GULP1: variants seen among roughly 807,000 people sequenced by gnomAD.
The protein encoded by GULP1 is GULP PTB domain containing engulfment adaptor 1, also known as PTB domain-containing engulfment adapter protein 1.
Under a neutral mutation model 40.9 loss-of-function variants are expected in GULP1, and 19 were observed. The ratio of observed to expected loss-of-function variants is 0.46; its 90% CI spans 0.32 to 0.68. GULP1 has a LOEUF of 0.68. Ranked by LOEUF, GULP1 falls within the 30% of genes least tolerant of loss-of-function variation. The probability of loss-of-function intolerance (pLI) is 0.03; values close to 1 mark genes in which losing one functional copy is unlikely to be tolerated. For synonymous variants in GULP1, 119 were observed against 117.6 expected (o/e 1.01, Z -0.08); for missense variants, 312 against 362.2 (o/e 0.86, Z 1.12).
rs567010169 is a variant in GULP1, at chr2:188,552,278, T to G, written c.399+10960T>G. On this transcript the variant is annotated intron_variant, in intron 7 of 11. Transcript: ENST00000409830. The stretch of plus-strand genomic sequence containing the variant: ...GTTCAGTAGTTTTCCTTAGATTTTC[T>G]TTTAATATTTTTACAGTTCCAGATA... Among the ~76,000 whole-genome samples the G allele has an allele frequency of 5.3e-5, 8 of 151,988 alleles. No individual in the cohort carries two copies. The South Asian group carries it at 1.7e-3, about 32-fold the overall frequency.
intron 6 of GULP1, 62 bp downstream of exon 6, chr2:188,529,257 T>C (rs993173588): frequency 3.7e-6 from 3 of 815,326 alleles, no homozygotes; most frequent in South Asian, 1.6e-5. Context: ...ATTCCTACTT[T>C]AACAAATATT....
At chr2:188,346,733 G>A (rs1043756401) in intron 1 of GULP1, among the ~76,000 whole-genome samples, 90 of 152,112 alleles carry the variant, frequency 5.9e-4, no homozygotes, top group Non-Finnish European at 1.1e-3. Context: ...AGCACTTTGG[G>A]AGGCTGAGGC....
intron 2 of GULP1, among the ~76,000 whole-genome samples, chr2:188,469,422 C>G (rs1352902654): frequency 6.6e-6 from 1 of 152,106 alleles, no homozygotes; most frequent in East Asian, 1.9e-4. Context: ...TAAAAAGATA[C>G]CTGAAACTGG....
chr2:188,568,245 A>C (rs1698244649), intron 7 of GULP1, among the ~76,000 whole-genome samples: 1 of 152,220 alleles, frequency 6.6e-6, no homozygotes, highest in South Asian at 2.1e-4. Flanking sequence ...GTAGAGTTAA[A>C]GCATAGCATT....
At chr2:188,503,200 G>A (rs1271860208) in intron 4 of GULP1, among the ~76,000 whole-genome samples, 1 of 151,714 alleles carries the variant, frequency 6.6e-6, no homozygotes, top group Non-Finnish European at 1.5e-5. Context: ...AACATTATGA[G>A]GTTTTTCGGC....
At chr2:188,381,584 A>C (rs951251598) in intron 1 of GULP1, among the ~76,000 whole-genome samples, 1 of 152,196 alleles carries the variant, frequency 6.6e-6, no homozygotes, top group Admixed American at 6.5e-5. Context: ...GATAACAATT[A>C]TTTATCTCGA....
intron 2 of GULP1, among the ~76,000 whole-genome samples, chr2:188,400,501 G>T (rs750199307): frequency 6.6e-6 from 1 of 152,116 alleles, no homozygotes; most frequent in Non-Finnish European, 1.5e-5. Flanking sequence ...TGATGGTGAC[G>T]AGGCTAGTGT....
chr2:188,324,938 A>G (rs1488005338), intron 1 of GULP1, among the ~76,000 whole-genome samples: 3 of 152,054 alleles, frequency 2.0e-5, no homozygotes, highest in African/African-American at 7.2e-5. Context: ...TTCAAGCACT[A>G]TTAGAAAACA....
chr2:188,545,428 G>C (rs569224348), intron 7 of GULP1, among the ~76,000 whole-genome samples: 1 of 151,978 alleles, frequency 6.6e-6, no homozygotes, highest in Admixed American at 6.6e-5. Flanking sequence ...AAATATGTAA[G>C]CCAATTATAT....
At chr2:188,559,709 G>A (rs1695757250) in intron 7 of GULP1, among the ~76,000 whole-genome samples, 1 of 152,152 alleles carries the variant, frequency 6.6e-6, no homozygotes, top group African/African-American at 2.4e-5. Context: ...GAGGACATGA[G>A]ATTTGGAGAG....
Position 188,426,157 on chromosome 2 carries a change from C to T in GULP1, c.-45+42268C>T, listed in dbSNP as rs554927720. Among the ~76,000 whole-genome samples, 89 of 152,228 alleles carry T rather than the reference C, an allele frequency of 5.8e-4. 1 individual carries two copies. Among genetic ancestry groups the T allele is most frequent in the African/African-American group, 2.0e-3 (85 of 41,538 alleles). ...AAGGCTGGACATATCACAGTGATGG[C>T]AGGGAGGGTGGGCTCACAGGTTGTA... is the stretch of plus-strand genomic sequence containing the variant. On this transcript the variant is annotated intron_variant, in intron 2 of 11. Coordinates refer to ENST00000409830, the MANE Select transcript of GULP1 (RefSeq NM_016315.4).
At chr2:188,379,511 A>G (rs970171631) in intron 1 of GULP1, among the ~76,000 whole-genome samples, 2 of 152,162 alleles carry the variant, frequency 1.3e-5, no homozygotes, top group African/African-American at 4.8e-5. Flanking sequence ...GCATCTAACA[A>G]ATATACACAC....
chr2:188,363,918 C>T (rs72909531), intron 1 of GULP1, among the ~76,000 whole-genome samples: 1,722 of 152,202 alleles, frequency 0.011, 14 homozygotes, highest in Non-Finnish European at 0.02. Flanking sequence ...ATACTTTATG[C>T]GCTTGTGTTA....
At chr2:188,350,550 A>G (rs192026227) in intron 1 of GULP1, among the ~76,000 whole-genome samples, 264 of 152,090 alleles carry the variant, frequency 1.7e-3, no homozygotes, top group African/African-American at 6.1e-3. Context: ...GAACTCGTTT[A>G]TTAGTTGTCA....
chr2:188,453,051 C>T (rs2058963165), intron 2 of GULP1, among the ~76,000 whole-genome samples: 1 of 151,696 alleles, frequency 6.6e-6, no homozygotes, highest in Admixed American at 6.6e-5. Context: ...CTCCTGGGCT[C>T]AAGTGATCCT....
intron 4 of GULP1, among the ~76,000 whole-genome samples, chr2:188,513,652 A>G (rs2064843985): frequency 6.6e-6 from 1 of 152,170 alleles, no homozygotes; most frequent in South Asian, 2.1e-4. Flanking sequence ...TAATATTAAA[A>G]TTAACGTATT....
chr2:188,574,054 G>A (rs899209911), intron 9 of GULP1, among the ~76,000 whole-genome samples: 9 of 152,074 alleles, frequency 5.9e-5, no homozygotes, highest in Non-Finnish European at 1.3e-4. Flanking sequence ...GCACAATAAT[G>A]TTCTAAAATA....
intron 1 of GULP1, among the ~76,000 whole-genome samples, chr2:188,310,226 A>G (rs1216405586): frequency 6.6e-6 from 1 of 152,370 alleles, no homozygotes; most frequent in Admixed American, 6.5e-5. Flanking sequence ...GGAAAGGAAC[A>G]TGATACACTT....
intron 6 of GULP1, among the ~76,000 whole-genome samples, chr2:188,533,856 A>G (rs976820604): frequency 6.6e-6 from 1 of 152,234 alleles, no homozygotes; most frequent in Admixed American, 6.5e-5. Flanking sequence ...AAGAAAACAA[A>G]CAAGTGGCTA....
Sources: allele counts gnomAD v4.1 joint callset (sites outside exome capture counted in the v4.1 genomes callset), GRCh38; gene constraint gnomAD v4.1.1; transcripts MANE v1.5; gene names NCBI Gene and HGNC (gene_info 2026-07-23, HGNC 2026-07-21).